The following ZNF564 variants were observed in gnomAD, a reference collection of about 807,000 sequenced individuals.
ZNF564 encodes zinc finger protein 564.
ZNF564 carries 5 observed loss-of-function variants against 10.5 expected under a neutral mutation model. That is an observed-to-expected ratio of 0.48 (90% CI 0.25 to 1.00). The LOEUF (loss-of-function observed/expected upper bound fraction) is 1.00, where lower values mean the gene tolerates loss of function less well. Ranked by LOEUF, ZNF564 falls within the 50% of genes least tolerant of loss-of-function variation. The pLI, the probability that ZNF564 is intolerant of heterozygous loss-of-function variation, is 0.16. For missense variants in ZNF564, 603 were observed against 669.7 expected (o/e 0.90, Z 1.10); for synonymous variants, 242 against 218.1 (o/e 1.11, Z -0.97).
At chr19:12,540,581 G>A (rs1176424425) in intron 1 of ZNF564, among the ~76,000 whole-genome samples, 1 of 152,118 alleles carries the variant, frequency 6.6e-6, no homozygotes, top group Non-Finnish European at 1.5e-5. Context: ...CCGGCTGGGT[G>A]TGGTAGCTCA....
chr19:12,551,275 C>T (rs2022255029), intron 1 of ZNF564, 55 bp downstream of exon 1: 3 of 1,581,908 alleles, frequency 1.9e-6, no homozygotes, highest in East Asian at 2.3e-5. Context: ...CCGGTTCCGG[C>T]CGGTTCCCAC....
At chr19:12,533,622 T>C (rs1195800959) in intron 1 of ZNF564, among the ~76,000 whole-genome samples, 1 of 145,172 alleles carries the variant, frequency 6.9e-6, no homozygotes, top group African/African-American at 2.6e-5. Context: ...AGCTACTCAG[T>C]AGGCTGAGAT....
At chr19:12,550,387 G>A (rs2022230411) in intron 1 of ZNF564, 2 of 158,110 alleles carry the variant, frequency 1.3e-5, no homozygotes, top group South Asian at 2.4e-4. Flanking sequence ...CGGGCGCGGT[G>A]GCTCACGTCT....
chr19:12,548,511 G>A (rs1457673144), intron 1 of ZNF564, among the ~76,000 whole-genome samples: 10 of 152,052 alleles, frequency 6.6e-5, no homozygotes, highest in Non-Finnish European at 8.8e-5. Context: ...CACCGTGCCC[G>A]GCCAATTTTT....
At chr19:12,538,023 T>A (rs754621852) in intron 1 of ZNF564, among the ~76,000 whole-genome samples, 6 of 152,010 alleles carry the variant, frequency 3.9e-5, no homozygotes, top group Non-Finnish European at 1.5e-5. Flanking sequence ...GACTAGAACA[T>A]CCGGTACTAT....
At chr19:12,545,687 A>G (rs926020952) in intron 1 of ZNF564, among the ~76,000 whole-genome samples, 1 of 152,198 alleles carries the variant, frequency 6.6e-6, no homozygotes, top group Non-Finnish European at 1.5e-5. Flanking sequence ...TTACTTAAGT[A>G]TAACTCAGGA....
Position 12,528,307 on chromosome 19 carries a change from A to G in ZNF564, c.188T>C (p.Leu63Ser). The G allele has an allele frequency of 6.2e-7, 1 of 1,608,642 alleles. No homozygotes were observed. Reference sequence around the variant, plus strand: ...TTATCTTGTCAGTGCAAATTACCTTAAAATTCTCCCCTGATTTTTGTACCA... The same window carrying G: ...TTATCTTGTCAGTGCAAATTACCTTGAAATTCTCCCCTGATTTTTGTACCA... ...EDWYKNQGRI[L>S]RNHMEEGLSE... is the part of the protein sequence containing the mutation. The change falls in exon 3 of 4, where the codon TTA becomes TCA. Residue 63 changes from leucine (L) to serine (S), a missense_variant. Physicochemically the swap from Leu to Ser is moderately radical, Grantham distance 145 (BLOSUM62 -2). Coordinates refer to ENST00000339282, the MANE Select transcript of ZNF564 (RefSeq NM_144976.4).
Position 12,548,529 on chromosome 19 carries a change from T to G in ZNF564, c.3+2801A>C, listed in dbSNP as rs779472606. Among the ~76,000 whole-genome samples, 7 of 152,318 alleles carry G rather than the reference T, an allele frequency of 4.6e-5. 1 individual carries two copies. The highest frequency in any genetic ancestry group is 3.9e-4 in the Admixed American group (6 of 15,290). ...CGTGCCCGGCCAATTTTTTGTATTTTTTAGTAGAGACGGGGTTTCACCATG... is the reference window on the plus strand; with the variant it reads ...CGTGCCCGGCCAATTTTTTGTATTTGTTAGTAGAGACGGGGTTTCACCATG... On this transcript the variant is annotated intron_variant, in intron 1 of 3. Transcript: ENST00000339282.
intron 1 of ZNF564, among the ~76,000 whole-genome samples, chr19:12,531,279 A>G (rs10421629): frequency 2.6e-4 from 39 of 152,220 alleles, no homozygotes; most frequent in African/African-American, 9.4e-4. Context: ...ATGGTGGCTC[A>G]TGTCTGTAAT....
chr19:12,545,262 C>CAAAAAAAAAA (rs534783270), intron 1 of ZNF564, among the ~76,000 whole-genome samples: 1 of 57,412 alleles, frequency 1.7e-5, no homozygotes, highest in African/African-American at 5.1e-5. Flanking sequence ...AATTCCGTCT[C>CAAAAAAAAAA]AAAAAAAAAA....
At chr19:12,539,303 T>C (rs991649309) in intron 1 of ZNF564, among the ~76,000 whole-genome samples, 3 of 151,396 alleles carry the variant, frequency 2.0e-5, no homozygotes, top group African/African-American at 4.9e-5. Context: ...CTCCCAAATT[T>C]TTCTGTAAAC....
chr19:12,527,816 T>C lies in ZNF564; in HGVS notation c.292A>G (p.Thr98Ala), dbSNP rs2021720363. 1.2e-6 allele frequency: 2 copies of C among 1,614,032 alleles called. No homozygotes were observed. The highest frequency in any genetic ancestry group is 8.5e-7 in the Non-Finnish European group (1 of 1,180,026). Reference sequence around the variant, plus strand: ...CTACATTCACATGGTCTTACTATAGTAGGAATTTTCTTGTTCAGATTAAGA... The same window carrying C: ...CTACATTCACATGGTCTTACTATAGCAGGAATTTTCTTGTTCAGATTAAGA... ...LNLNLNKKIP[T>A]IVRPCECSLC... The change falls in exon 4 of 4, where the codon ACT becomes GCT. Residue 98 changes from threonine to alanine, a missense_variant. Transcript: ENST00000339282.
At chr19:12,541,066 C>CAA (rs35848835) in intron 1 of ZNF564, among the ~76,000 whole-genome samples, 598 of 59,580 alleles carry the variant, frequency 0.01, 10 homozygotes, top group African/African-American at 0.024. Context: ...CCTGTCTCTA[C>CAA]AAAAAAAAAA....
intron 1 of ZNF564, among the ~76,000 whole-genome samples, chr19:12,550,034 T>G (rs1055080056): frequency 6.6e-6 from 1 of 152,186 alleles, no homozygotes; most frequent in African/African-American, 2.4e-5. Flanking sequence ...GGCTCACGCC[T>G]GTAATCCCAG....
At chr19:12,550,479 A>G in intron 1 of ZNF564, 1 of 274,194 alleles carries the variant, frequency 3.6e-6, no homozygotes, top group South Asian at 2.6e-5. Flanking sequence ...AACATGGAGA[A>G]ACCCAGTTTC....
intron 1 of ZNF564, among the ~76,000 whole-genome samples, chr19:12,536,706 A>G (rs1035043729): frequency 6.6e-6 from 1 of 152,202 alleles, no homozygotes; most frequent in East Asian, 1.9e-4. Context: ...TTCGTATAAG[A>G]TATGTATTGG....
chr19:12,547,633 A>G (rs1295908453), intron 1 of ZNF564, among the ~76,000 whole-genome samples: 1 of 152,028 alleles, frequency 6.6e-6, no homozygotes, highest in Non-Finnish European at 1.5e-5. Flanking sequence ...AGCTTCTCTC[A>G]GTATAAAGGA....
chr19:12,527,712 G>A lies in ZNF564; in HGVS notation c.396C>T (p.Asp132=), dbSNP rs1006086630. The A allele has an allele frequency of 1.2e-6, 2 of 1,614,122 alleles. No individual in the cohort carries two copies. Among genetic ancestry groups the A allele is most frequent in the African/African-American group, 1.3e-5 (1 of 75,048 alleles). The change falls in exon 4 of 4, where the codon GAC becomes GAT. Residue 132 remains aspartate (D), a synonymous_variant. Transcript: ENST00000339282. The stretch of plus-strand genomic sequence containing the variant: ...ATGGTTTCTCTCCATATTCCTGATA[G>A]TCATATGGTTTGTGTCCAAGGTGAG... ...IRSHLGHKPY[D]YQEYGEKPYK...
Position 12,526,898 on chromosome 19 carries a change from A to C in ZNF564, c.1210T>G (p.Cys404Gly), listed in dbSNP as rs1170576080. Residue 404 changes from cysteine (C) to glycine (G), a missense_variant, in exon 4 of 4, where the codon TGT becomes GGT. Physicochemically the swap from Cys to Gly is radical, Grantham distance 159. Transcript: ENST00000339282. Reference sequence around the variant, plus strand: ...TCGTGTATTTGAAATGAACTGGGACAGTCAAAGGCTCTACCACATACCTGA... The same window carrying C: ...TCGTGTATTTGAAATGAACTGGGACCGTCAAAGGCTCTACCACATACCTGA... Reference protein sequence around the residue: ...KCQVCGRAFDCPSSFQIHERT... With the variant: ...KCQVCGRAFDGPSSFQIHERT... The C allele has an allele frequency of 6.2e-7, 1 of 1,614,062 alleles. No individual in the cohort carries two copies. The highest frequency in any genetic ancestry group is 2.2e-5 in the East Asian group (1 of 44,830).
Sources: gnomAD v4.1 joint callset for allele counts (sites outside exome capture counted in the v4.1 genomes callset) on GRCh38, gnomAD v4.1.1 for gene constraint, MANE v1.5 for transcripts, NCBI Gene and HGNC (gene_info 2026-07-23, HGNC 2026-07-21) for gene names.